ANK1: variants seen among roughly 807,000 people sequenced by gnomAD.
ANK1 encodes the protein ankyrin-1.
A neutral mutation model predicts 210.4 loss-of-function variants in ANK1; 51 were observed. That is an observed-to-expected ratio of 0.24 (90% CI 0.19 to 0.31). The LOEUF (loss-of-function observed/expected upper bound fraction) is 0.31, where lower values mean the gene tolerates loss of function less well. Among genes scored for constraint, ANK1 ranks in the 10% least tolerant of loss-of-function variants. ANK1 has a pLI of 1.00. For missense variants in ANK1, 2,051 were observed against 2,504.4 expected (o/e 0.82, Z 3.86); for synonymous variants, 967 against 1,025.9 (o/e 0.94, Z 1.10).
chr8:41,697,966 G>T, intron 24 of ANK1, 77 bp downstream of exon 24: 1 of 1,402,392 alleles, frequency 7.1e-7, no homozygotes, highest in Non-Finnish European at 1.0e-6. Flanking sequence ...GCTACGTACA[G>T]GCCACCCCTC....
chr8:41,665,307 C>T, intron 39 of ANK1: 3 of 1,412,666 alleles, frequency 2.1e-6, no homozygotes, highest in South Asian at 1.2e-5. Flanking sequence ...TATAATTTTA[C>T]CTCCCCAAAC....
intron 7 of ANK1, 80 bp from the exon 8 acceptor site, chr8:41,723,713 C>A: frequency 8.1e-7 from 1 of 1,232,088 alleles, no homozygotes; most frequent in Non-Finnish European, 1.2e-6. Context: ...CCCCTTGTCC[C>A]CAGCCCCCAG....
intron 21 of ANK1, 131 bp downstream of exon 21, chr8:41,701,921 C>T: frequency 1.1e-6 from 1 of 949,038 alleles, no homozygotes; most frequent in Non-Finnish European, 1.6e-6. Flanking sequence ...AAGCTCCCAC[C>T]CGTCGGGCGC....
chr8:41,721,843 T>C (rs908096843), intron 9 of ANK1, among the ~76,000 whole-genome samples: 1 of 152,190 alleles, frequency 6.6e-6, no homozygotes, highest in Non-Finnish European at 1.5e-5. Flanking sequence ...GGTTGTACGA[T>C]AGTTCCCAAT....
chr8:41,661,857 G>A lies in ANK1; in HGVS notation c.5544+19C>T. On this transcript the variant is annotated intron_variant, in intron 41 of 42. Coordinates refer to ENST00000289734, the MANE Select transcript of ANK1 (RefSeq NM_000037.4). ...ACCTCCAGCTCACTGGGATCCTCCA[G>A]GGGCCCCTCTACAGTCACCTCCTCG... The A allele has an allele frequency of 1.9e-6, 3 of 1,614,104 alleles. No individual in the cohort carries two copies. The highest frequency in any genetic ancestry group is 1.3e-5 in the African/African-American group (1 of 75,048).
At chr8:41,693,704 CGT>C (rs1409644910) in intron 29 of ANK1, among the ~76,000 whole-genome samples, 192 bp downstream of exon 29, 1 of 152,026 alleles carries the variant, frequency 6.6e-6, no homozygotes, top group Non-Finnish European at 1.5e-5. Context: ...GGATTACAGG[CGT>C]GAGTCACCAC....
chr8:41,707,757 G>A (rs2355255), intron 17 of ANK1, among the ~76,000 whole-genome samples: 13 of 152,154 alleles, frequency 8.5e-5, no homozygotes, highest in East Asian at 3.9e-4. Context: ...AGAATGGTTC[G>A]CTCATTGGGG....
chr8:41,896,415 C>T (rs776161967), exon 1 of ANK1: 28 of 1,604,448 alleles, frequency 1.7e-5, no homozygotes, highest in African/African-American at 2.7e-5. Context: ...CCTTCTCCTT[C>T]TGCTCCTGGA....
At chr8:41,716,834 A>T (rs368197171) in intron 13 of ANK1, 119 bp downstream of exon 13, 2 of 1,033,966 alleles carry the variant, frequency 1.9e-6, no homozygotes, top group East Asian at 2.4e-5. Context: ...CCTGATCAGG[A>T]TGAAAAGTGA....
chr8:41,745,678 T>A (rs1007797001), intron 2 of ANK1, among the ~76,000 whole-genome samples: 2 of 152,058 alleles, frequency 1.3e-5, no homozygotes, highest in Non-Finnish European at 2.9e-5. Flanking sequence ...GAAGTTATAA[T>A]TACATCTATC....
In ANK1 at chr8:41,889,402, G is replaced by GT. The variant is rs554937341; in HGVS notation, c.126+6952dup. Among the ~76,000 whole-genome samples the GT allele has an allele frequency of 3.3e-5, 5 of 152,148 alleles. No individual in the cohort carries two copies. The South Asian group carries it at 6.2e-4, about 19-fold the overall frequency. Reference sequence around the variant, plus strand: ...GGCACCTCCCTTGATAAAGAAAGAAGTTTTTTTGCAAATATCATTGTCAAT... The same window carrying GT: ...GGCACCTCCCTTGATAAAGAAAGAAGTTTTTTTTGCAAATATCATTGTCAAT... On this transcript the variant is annotated intron_variant, in intron 1 of 42. Transcript: ENST00000265709.
chr8:41,664,858 C>T (rs1809889282), intron 39 of ANK1: 2 of 1,613,542 alleles, frequency 1.2e-6, no homozygotes, highest in Non-Finnish European at 1.7e-6. Flanking sequence ...TCCTCGTCGT[C>T]ACTGAGGCCC....
chr8:41,855,789 G>C lies in ANK1; in HGVS notation c.126+40566C>G, dbSNP rs570686133. 7.9e-5 allele frequency among the ~76,000 whole-genome samples: 12 copies of C among 152,132 alleles called. No homozygotes were observed. In the South Asian group the frequency reaches 2.5e-3, roughly 32 times the overall value. ...AACACCGAATGCATTAACCCAAGGG[G>C]GTAGGACTTCACTCAGAACCTGCCC... On this transcript the variant is annotated intron_variant, in intron 1 of 42. Transcript: ENST00000265709.
chr8:41,725,248 T>C (rs1830383873), intron 6 of ANK1, among the ~76,000 whole-genome samples: 1 of 152,186 alleles, frequency 6.6e-6, no homozygotes. Flanking sequence ...GAGGGGACTT[T>C]GAATAACTCC....
intron 31 of ANK1, among the ~76,000 whole-genome samples, chr8:41,691,174 TATG>T (rs1172874616): frequency 1.4e-4 from 21 of 152,310 alleles, no homozygotes; most frequent in Non-Finnish European, 2.2e-4. Context: ...TGCAGTGGGC[TATG>T]ATGTCACAAC....
intron 18 of ANK1, among the ~76,000 whole-genome samples, chr8:41,705,210 C>T (rs75420794): frequency 0.042 from 6,337 of 152,224 alleles, 428 homozygotes; most frequent in African/African-American, 0.14. Flanking sequence ...CCCAAGTGTC[C>T]CGGGAAGCTG....
In ANK1 at chr8:41,853,915, C is replaced by T. The variant is rs574567216; in HGVS notation, c.126+42440G>A. 2.6e-4 allele frequency among the ~76,000 whole-genome samples: 39 copies of T among 152,256 alleles called. No homozygotes were observed. In the South Asian group the frequency reaches 7.5e-3, roughly 29 times the overall value. On this transcript the variant is annotated intron_variant, in intron 1 of 42. Coordinates refer to the ANK1 transcript ENST00000265709. ...CACTCGGATTACAGGCAGGAGCCAC[C>T]GCACTTGACCCCCTGGGTTAATATT...
intron 1 of ANK1, among the ~76,000 whole-genome samples, chr8:41,780,541 C>T (rs948206474): frequency 2.6e-5 from 4 of 151,574 alleles, no homozygotes; most frequent in Admixed American, 2.6e-4. Context: ...ACGCTTCTCC[C>T]TCAGTAGATT....
chr8:41,883,348 C>T (rs1817922700), intron 1 of ANK1, among the ~76,000 whole-genome samples: 1 of 152,232 alleles, frequency 6.6e-6, no homozygotes, highest in African/African-American at 2.4e-5. Flanking sequence ...CTACCTTAGG[C>T]CCATGTAAGC....
Sources: gnomAD v4.1 joint callset for allele counts (sites outside exome capture counted in the v4.1 genomes callset) on GRCh38, gnomAD v4.1.1 for gene constraint, MANE v1.5 for transcripts, NCBI Gene and HGNC (gene_info 2026-07-23, HGNC 2026-07-21) for gene names.